RNF125: variants seen among roughly 807,000 people sequenced by gnomAD.
The protein encoded by RNF125 is E3 ubiquitin-protein ligase RNF125.
A neutral mutation model predicts 26.0 loss-of-function variants in RNF125; 21 were observed. The ratio of observed to expected loss-of-function variants is 0.81; its 90% CI spans 0.57 to 1.16. RNF125 has a LOEUF of 1.16. Ranked by LOEUF, RNF125 falls within the 50% of genes most tolerant of loss-of-function variation. The pLI, the probability that RNF125 is intolerant of heterozygous loss-of-function variation, is 0.00. For missense variants in RNF125, 270 were observed against 299.4 expected (o/e 0.90, Z 0.72); for synonymous variants, 95 against 109.2 (o/e 0.87, Z 0.81).
chr18:32,077,655 C>T (rs145825517), downstream of RNF125, among the ~76,000 whole-genome samples: 444 of 152,016 alleles, frequency 2.9e-3, 5 homozygotes, highest in African/African-American at 9.6e-3. Context: ...GCCACCTCGC[C>T]GGGCCGTAAA....
chr18:32,064,562 C>G (rs956185185), intron 4 of RNF125, among the ~76,000 whole-genome samples: 7 of 69,794 alleles, frequency 1.0e-4, no homozygotes, highest in African/African-American at 2.4e-4. Flanking sequence ...AACTATATCA[C>G]ACACACACAC....
chr18:32,066,199 C>T (rs2039484043), intron 5 of RNF125, 190 bp downstream of exon 5: 1 of 389,540 alleles, frequency 2.6e-6, no homozygotes, highest in Non-Finnish European at 4.7e-6. Context: ...CCTGTAATCC[C>T]AACACTTTGG....
chr18:32,090,287 T>C, the RNF125 span, among the ~76,000 whole-genome samples: 3 of 152,108 alleles, frequency 2.0e-5, no homozygotes, highest in Non-Finnish European at 4.4e-5. Flanking sequence ...CTCTGGGCTG[T>C]TAAAAATTTG....
chr18:32,048,472 G>A (rs892959003), intron 4 of RNF125, among the ~76,000 whole-genome samples: 10 of 128,120 alleles, frequency 7.8e-5, no homozygotes, highest in Admixed American at 1.6e-4. Flanking sequence ...CAAAAAAAAA[G>A]AGAGAAAATC....
At chr18:32,045,072 T>G (rs917218675) in intron 3 of RNF125, among the ~76,000 whole-genome samples, 5 of 149,746 alleles carry the variant, frequency 3.3e-5, no homozygotes, top group African/African-American at 4.9e-5. Context: ...GAGCCAAGAT[T>G]GCACCACTGC....
At chr18:32,051,524 G>C (rs1481142732) in intron 4 of RNF125, among the ~76,000 whole-genome samples, 6 of 149,464 alleles carry the variant, frequency 4.0e-5, no homozygotes, top group Non-Finnish European at 8.9e-5. Flanking sequence ...GGCTGAGGCA[G>C]GAATCGCGTG....
At position 32,072,881 on chromosome 18, in the gene RNF125, C is replaced by G. The variant is rs1433807614; in HGVS notation, c.*4497C>G. 6.6e-6 allele frequency: 1 copy of G among 151,994 alleles called. No individual in the cohort carries two copies. The highest frequency in any genetic ancestry group is 1.5e-5 in the Non-Finnish European group (1 of 67,934). 9.4% of individuals were successfully genotyped at this position (151,994 alleles called of 1,614,324 possible). A position where few individuals can be genotyped will look rare whatever the true frequency, so the allele number is the denominator to read the frequency against. On this transcript the variant is annotated 3_prime_UTR_variant, in exon 6 of 6. Coordinates refer to ENST00000217740, the MANE Select transcript of RNF125 (RefSeq NM_017831.4). The stretch of plus-strand genomic sequence containing the variant: ...TAAAGATATGGTTCCAGGCAGACCT[C>G]CTTAGAGACCTCCAGGCAGACCTCC...
the RNF125 span, among the ~76,000 whole-genome samples, chr18:32,080,601 T>A: frequency 2.5e-4 from 38 of 152,372 alleles, no homozygotes; most frequent in African/African-American, 9.1e-4. Context: ...GGGGAGTTGT[T>A]GTTCATGGGT....
chr18:32,048,163 G>A (rs2039289933), intron 4 of RNF125, among the ~76,000 whole-genome samples: 1 of 151,102 alleles, frequency 6.6e-6, no homozygotes, highest in African/African-American at 2.4e-5. Context: ...TATAATCCCA[G>A]CACTTTGGGA....
intron 2 of RNF125, among the ~76,000 whole-genome samples, chr18:32,038,043 A>ATTTTTTTTTTTTTTTTTTT (rs35226765): frequency 9.7e-6 from 1 of 103,396 alleles, no homozygotes; most frequent in Non-Finnish European, 1.9e-5. Context: ...GGTCCGTGCC[A>ATTTTTTTTTTTTTTTTTTT]TTTTTTTTTT....
At chr18:32,087,388 G>A in the RNF125 span, among the ~76,000 whole-genome samples, 1 of 152,056 alleles carries the variant, frequency 6.6e-6, no homozygotes, top group African/African-American at 2.4e-5. Context: ...TTGGTCGGAA[G>A]TTCTGGAGGC....
At chr18:32,019,370 A>T (rs2038963564) in intron 1 of RNF125, among the ~76,000 whole-genome samples, 1 of 152,088 alleles carries the variant, frequency 6.6e-6, no homozygotes, top group Non-Finnish European at 1.5e-5. Flanking sequence ...CTGGAGAACC[A>T]GCGCTCGCCC....
intron 1 of RNF125, among the ~76,000 whole-genome samples, chr18:32,026,336 C>T (rs2144436056): frequency 6.7e-6 from 1 of 148,738 alleles, no homozygotes; most frequent in African/African-American, 2.5e-5. Context: ...GCAACCTCTG[C>T]CTCCCGGGTT....
At chr18:32,054,155 G>A (rs186475192) in intron 4 of RNF125, among the ~76,000 whole-genome samples, 1 of 146,414 alleles carries the variant, frequency 6.8e-6, no homozygotes, top group African/African-American at 2.6e-5. Context: ...GCGCAGTGGC[G>A]TGGTCTCGGC....
chr18:32,018,847 G>A lies in RNF125; in HGVS notation c.-17G>A. The A allele has an allele frequency of 6.4e-7, 1 of 1,551,002 alleles. No homozygotes were observed. Among genetic ancestry groups the A allele is most frequent in the African/African-American group, 1.4e-5 (1 of 72,812 alleles). On this transcript the variant is annotated 5_prime_UTR_variant, in exon 1 of 6. Transcript: ENST00000217740. ...GGCACTGAGTGCTTCGCAGCTGTCT[G>A]GGCGAGAGGCACAGCGATGGGCTCC... is the stretch of plus-strand genomic sequence containing the variant.
At chr18:32,058,839 T>G (rs2039410455) in intron 4 of RNF125, among the ~76,000 whole-genome samples, 1 of 152,178 alleles carries the variant, frequency 6.6e-6, no homozygotes, top group African/African-American at 2.4e-5. Flanking sequence ...TTCAATTGGT[T>G]TAATTTTTAG....
chr18:32,046,214 CAAAAAA>C (rs768054716), intron 4 of RNF125, among the ~76,000 whole-genome samples: 5 of 76,176 alleles, frequency 6.6e-5, no homozygotes, highest in African/African-American at 2.3e-4. Context: ...AAGACTGTCT[CAAAAAA>C]AAAAAAAAAA....
intron 1 of RNF125, among the ~76,000 whole-genome samples, chr18:32,023,903 G>A (rs1044733632): frequency 3.3e-5 from 5 of 152,058 alleles, no homozygotes; most frequent in Non-Finnish European, 5.9e-5. Context: ...CTACACAAAA[G>A]TCTTGTTCAA....
chr18:32,019,385 ACG>A lies in RNF125; in HGVS notation c.164+359_164+360del, dbSNP rs1322292001. On this transcript the variant is annotated intron_variant, in intron 1 of 5. Coordinates refer to ENST00000217740, the MANE Select transcript of RNF125 (RefSeq NM_017831.4). Reference sequence around the variant, plus strand: ...CTGGAGAACCAGCGCTCGCCCAGGCACGGAAAGGAAACGAGCTCCAGCTACAA... The same window carrying A: ...CTGGAGAACCAGCGCTCGCCCAGGCAGAAAGGAAACGAGCTCCAGCTACAA... Among the ~76,000 whole-genome samples the A allele has an allele frequency of 2.1e-4, 32 of 152,222 alleles. No homozygotes were observed. In the South Asian group the frequency reaches 5.8e-3, roughly 28 times the overall value.
Sources: allele counts gnomAD v4.1 joint callset (sites outside exome capture counted in the v4.1 genomes callset), GRCh38; gene constraint gnomAD v4.1.1; transcripts MANE v1.5; gene names NCBI Gene and HGNC (gene_info 2026-07-23, HGNC 2026-07-21).